CCDC7: variants seen among roughly 807,000 people sequenced by gnomAD.
The protein encoded by CCDC7 is coiled-coil domain-containing protein 7.
A neutral mutation model predicts 196.9 loss-of-function variants in CCDC7; 183 were observed. The ratio of observed to expected loss-of-function variants is 0.93; its 90% CI spans 0.82 to 1.05. CCDC7 has a LOEUF of 1.05. Among genes scored for constraint, CCDC7 ranks in the 50% least tolerant of loss-of-function variants. The pLI, the probability that CCDC7 is intolerant of heterozygous loss-of-function variation, is 0.00. For missense variants in CCDC7, 1,540 were observed against 1,482.2 expected, an observed-to-expected ratio of 1.04 and a Z score of -0.64; for synonymous variants, 525 against 484.6, an observed-to-expected ratio of 1.08 and a Z score of -1.10.
At chr10:32,504,696 A>G (rs2044610654) in intron 9 of CCDC7, among the ~76,000 whole-genome samples, 2 of 152,046 alleles carry the variant, frequency 1.3e-5, no homozygotes, top group Admixed American at 1.3e-4. Flanking sequence ...TAATTTCTAC[A>G]TATTTGTGAA....
chr10:32,522,996 G>T (rs1363381614), intron 11 of CCDC7, among the ~76,000 whole-genome samples: 2 of 151,758 alleles, frequency 1.3e-5, no homozygotes, highest in African/African-American at 2.4e-5. Flanking sequence ...ATTGATTTGT[G>T]GTTTTATTTC....
At position 32,686,174 on chromosome 10, in the gene CCDC7, A is replaced by G. The variant is rs965305720; in HGVS notation, c.2233+94A>G. On this transcript the variant is annotated intron_variant, in intron 22 of 41. Coordinates refer to ENST00000639629, the Ensembl canonical transcript of CCDC7. ...GTTCATGAATCTTGAATTTACAGAA[A>G]TTTTACCTTGAACCTAAAGTATGAA... 11 of 622,388 alleles carry G rather than the reference A, an allele frequency of 1.8e-5. No homozygotes were observed. In the Middle Eastern group the frequency reaches 1.2e-3, roughly 69 times the overall value. 38.6% of individuals were successfully genotyped at this position (622,388 alleles called of 1,614,324 possible).
At chr10:32,787,584 G>A (rs142298148) in intron 29 of CCDC7, among the ~76,000 whole-genome samples, 2 of 152,286 alleles carry the variant, frequency 1.3e-5, no homozygotes, top group East Asian at 3.9e-4. Flanking sequence ...AATGAGCACT[G>A]GACTTCCTTG....
chr10:32,459,361 A>G (rs1164882039), intron 3 of CCDC7, among the ~76,000 whole-genome samples: 2 of 152,146 alleles, frequency 1.3e-5, no homozygotes, highest in Non-Finnish European at 2.9e-5. Context: ...TAGAGAGCTC[A>G]AAAGTGGGAA....
In CCDC7 at chr10:32,863,865, C is replaced by A. The variant is rs1270677720; in HGVS notation, c.4111+9376C>A. 2.7e-5 allele frequency among the ~76,000 whole-genome samples: 4 copies of A among 147,160 alleles called. No individual in the cohort carries two copies. The East Asian group carries it at 7.9e-4, about 29-fold the overall frequency. ...GCAGGGATTTTTTTGTATATTATAC[C>A]AAAAGCTCAGGCTAAAAAACAAAAT... On this transcript the variant is annotated intron_variant, in intron 41 of 41. Transcript: ENST00000639629.
intron 11 of CCDC7, among the ~76,000 whole-genome samples, chr10:32,532,677 T>G (rs896080692): frequency 2.6e-5 from 4 of 152,184 alleles, no homozygotes; most frequent in Non-Finnish European, 5.9e-5. Flanking sequence ...TGCACAGATA[T>G]TTATAGTTGC....
At chr10:32,713,359 C>T (rs1167439951) in intron 25 of CCDC7, among the ~76,000 whole-genome samples, 2 of 152,220 alleles carry the variant, frequency 1.3e-5, no homozygotes. Flanking sequence ...TTCCCACCCC[C>T]ACTTCAAACT....
At chr10:32,538,944 T>C (rs2050954225) in intron 11 of CCDC7, among the ~76,000 whole-genome samples, 1 of 152,178 alleles carries the variant, frequency 6.6e-6, no homozygotes, top group Non-Finnish European at 1.5e-5. Context: ...CCTGAAGTTT[T>C]CTTTATTTGT....
chr10:32,820,348 G>A (rs914567639), intron 31 of CCDC7, among the ~76,000 whole-genome samples: 68 of 152,290 alleles, frequency 4.5e-4, no homozygotes, highest in African/African-American at 1.5e-3. Flanking sequence ...CCATGCTCAT[G>A]GGTAGGAAGA....
At chr10:32,691,516 T>C (rs1486615890) in intron 23 of CCDC7, among the ~76,000 whole-genome samples, 1 of 152,222 alleles carries the variant, frequency 6.6e-6, no homozygotes, top group Non-Finnish European at 1.5e-5. Context: ...ATTTGTCAGT[T>C]AAGATCTGAA....
exon 23 of CCDC7, chr10:32,689,123 A>C (rs760442699): frequency 5.0e-6 from 8 of 1,606,158 alleles, no homozygotes; most frequent in Non-Finnish European, 6.8e-6. Flanking sequence ...CAGAAATGCA[A>C]GTGAAGGAAC....
chr10:32,773,065 A>C (rs1176044825), intron 28 of CCDC7, among the ~76,000 whole-genome samples: 1 of 152,122 alleles, frequency 6.6e-6, no homozygotes, highest in Admixed American at 6.6e-5. Context: ...TTAAGACTTC[A>C]TTAATTTTGA....
chr10:32,702,119 C>T (rs2078857119), intron 24 of CCDC7, among the ~76,000 whole-genome samples: 1 of 152,060 alleles, frequency 6.6e-6, no homozygotes, highest in Non-Finnish European at 1.5e-5. Flanking sequence ...GTTAGGGTGT[C>T]CATTTTAGAT....
At chr10:32,509,311 T>C (rs965420547) in intron 9 of CCDC7, among the ~76,000 whole-genome samples, 4 of 152,118 alleles carry the variant, frequency 2.6e-5, no homozygotes, top group African/African-American at 9.7e-5. Context: ...GGGGAAAGGA[T>C]AGTATCTCCA....
intron 24 of CCDC7, among the ~76,000 whole-genome samples, chr10:32,701,906 CTT>C (rs1389627270): frequency 6.6e-6 from 1 of 152,078 alleles, no homozygotes; most frequent in Non-Finnish European, 1.5e-5. Context: ...ATTCTTCTCT[CTT>C]TTCTTCTTTA....
chr10:32,461,914 G>T (rs1049306348), intron 3 of CCDC7, among the ~76,000 whole-genome samples: 1 of 151,344 alleles, frequency 6.6e-6, no homozygotes, highest in African/African-American at 2.4e-5. Flanking sequence ...TGGGATTACA[G>T]GCATGCACCA....
intron 29 of CCDC7, among the ~76,000 whole-genome samples, chr10:32,789,266 A>G (rs2082325595): frequency 6.6e-6 from 1 of 152,196 alleles, no homozygotes. Flanking sequence ...ATAAATGGAG[A>G]TTTATAAACT....
chr10:32,831,145 C>A (rs2092120468), intron 32 of CCDC7, among the ~76,000 whole-genome samples: 2 of 152,128 alleles, frequency 1.3e-5, no homozygotes, highest in Admixed American at 6.5e-5. Flanking sequence ...CAGCATGTTA[C>A]TGGACTGAAT....
At chr10:32,676,523 GA>G (rs1366636099) in intron 21 of CCDC7, among the ~76,000 whole-genome samples, 9 of 151,568 alleles carry the variant, frequency 5.9e-5, no homozygotes, top group Non-Finnish European at 1.3e-4. Context: ...AAATTTACAA[GA>G]AAAAAACAAA....
Sources: allele counts gnomAD v4.1 joint callset (sites outside exome capture counted in the v4.1 genomes callset), GRCh38; gene constraint gnomAD v4.1.1; transcripts MANE v1.5; gene names NCBI Gene and HGNC (gene_info 2026-07-23, HGNC 2026-07-21).